Variants in KIAA2012 observed in about 807,000 individuals in gnomAD.
KIAA2012 encodes KIAA2012.
Under a neutral mutation model 150.6 loss-of-function variants are expected in KIAA2012, and 125 were observed. The ratio of observed to expected loss-of-function variants is 0.83; its 90% confidence interval spans 0.72 to 0.96. KIAA2012 has a LOEUF of 0.96. KIAA2012 is among the 40% of genes least tolerant of loss of function. KIAA2012 has a pLI of 0.00. For synonymous variants in KIAA2012, 462 were observed against 504.7 expected (o/e 0.92, Z 1.13); for missense variants, 1,219 against 1,354.9 (o/e 0.90, Z 1.57).
At chr2:202,183,263 T>C (rs897395773) in intron 15 of KIAA2012, among the ~76,000 whole-genome samples, 2 of 151,412 alleles carry the variant, frequency 1.3e-5, no homozygotes, top group African/African-American at 4.9e-5. Flanking sequence ...ATACGAAAAA[T>C]AGAAAAAATT....
chr2:202,180,703 T>C (rs1692100909), intron 15 of KIAA2012, among the ~76,000 whole-genome samples: 1 of 152,134 alleles, frequency 6.6e-6, no homozygotes, highest in Admixed American at 6.6e-5. Context: ...TGCATGCGTG[T>C]AACCCCTGCT....
chr2:202,102,893 G>C, intron 7 of KIAA2012, 53 bp from the exon 8 acceptor site: 1 of 1,471,932 alleles, frequency 6.8e-7, no homozygotes, highest in Non-Finnish European at 9.2e-7. Context: ...GCCCCTGCAG[G>C]CAGCAGGGTT....
chr2:202,173,261 A>G (rs1343082536), intron 15 of KIAA2012, among the ~76,000 whole-genome samples: 1 of 152,166 alleles, frequency 6.6e-6, no homozygotes, highest in African/African-American at 2.4e-5. Context: ...ACTAGAGATA[A>G]GGACAACATA....
intron 9 of KIAA2012, among the ~76,000 whole-genome samples, chr2:202,107,835 C>A (rs1167416106): frequency 1.3e-5 from 2 of 152,018 alleles, no homozygotes; most frequent in Admixed American, 6.6e-5. Context: ...GTGGTGAAAC[C>A]CCATCTCAAC....
At chr2:202,076,744 T>A (rs576511484) in intron 2 of KIAA2012, among the ~76,000 whole-genome samples, 2 of 152,300 alleles carry the variant, frequency 1.3e-5, no homozygotes, top group African/African-American at 2.4e-5. Flanking sequence ...AGGGCCTGCA[T>A]ACTTTGCACT....
At chr2:202,145,913 G>A (rs967427493) in intron 13 of KIAA2012, among the ~76,000 whole-genome samples, 2 of 151,968 alleles carry the variant, frequency 1.3e-5, no homozygotes, top group Non-Finnish European at 2.9e-5. Flanking sequence ...TTGAACTCCT[G>A]ACCTCAGGTG....
chr2:202,075,392 C>T (rs1352219856), intron 2 of KIAA2012, among the ~76,000 whole-genome samples: 1 of 152,206 alleles, frequency 6.6e-6, no homozygotes, highest in Non-Finnish European at 1.5e-5. Flanking sequence ...TGAAAGGGAT[C>T]TGAAAACCAT....
intron 14 of KIAA2012, among the ~76,000 whole-genome samples, chr2:202,158,914 T>C (rs1691593236): frequency 6.6e-6 from 1 of 152,174 alleles, no homozygotes; most frequent in Non-Finnish European, 1.5e-5. Context: ...AGGATGTGTA[T>C]GTTATGCCCA....
chr2:202,082,742 G>T (rs76335274), intron 2 of KIAA2012, among the ~76,000 whole-genome samples: 4,902 of 152,026 alleles, frequency 0.032, 267 homozygotes, highest in African/African-American at 0.11. Flanking sequence ...GTAAACTCTA[G>T]GGGAAAACTT....
rs185253887 is a variant in KIAA2012 at position 202,094,809 on chromosome 2, G to A, written c.685+1624G>A. On this transcript the variant is annotated intron_variant, in intron 4 of 23. Transcript: ENST00000498697. Reference sequence around the variant, plus strand: ...GCTGTGATTACAGGCATGAGTCACCGCTCTCGGCCTCAGGGCTTTCATTTT... The same window carrying A: ...GCTGTGATTACAGGCATGAGTCACCACTCTCGGCCTCAGGGCTTTCATTTT... Among the ~76,000 whole-genome samples the A allele has an allele frequency of 7.2e-5, 11 of 152,282 alleles. No homozygotes were observed. The East Asian group carries it at 9.6e-4, about 13-fold the overall frequency.
At chr2:202,157,677 C>A (rs767424470) in intron 14 of KIAA2012, among the ~76,000 whole-genome samples, 55 of 152,206 alleles carry the variant, frequency 3.6e-4, no homozygotes, top group Admixed American at 1.0e-3. Context: ...GGCTAAGTAA[C>A]TTACCGAATG....
At chr2:202,100,520 A>G in intron 7 of KIAA2012, 71 bp downstream of exon 7, 1 of 1,455,796 alleles carries the variant, frequency 6.9e-7, no homozygotes, top group Non-Finnish European at 9.2e-7. Flanking sequence ...TTTAATCCTA[A>G]TCTAGAAATA....
chr2:202,102,811 C>A, intron 7 of KIAA2012, 135 bp from the exon 8 acceptor site: 4 of 813,822 alleles, frequency 4.9e-6, no homozygotes, highest in Non-Finnish European at 7.5e-6. Flanking sequence ...CAGATACCGG[C>A]TCCCAGCTGG....
At chr2:202,135,412 T>C (rs558006267) in intron 12 of KIAA2012, among the ~76,000 whole-genome samples, 17 of 152,352 alleles carry the variant, frequency 1.1e-4, no homozygotes, top group African/African-American at 4.1e-4. Flanking sequence ...AATCAGTTTC[T>C]TTGACTTGAT....
At position 202,075,245 on chromosome 2, in the gene KIAA2012, G is replaced by A. The variant is rs1689301677; in HGVS notation, c.369+70G>A. 3 of 1,455,202 alleles carry A rather than the reference G, an allele frequency of 2.1e-6. No homozygotes were observed. The African/African-American group carries it at 4.3e-5, about 21-fold the overall frequency. The allele number at this position is 1,455,202 out of a possible 1,614,324, so 90.1% of individuals were successfully genotyped here. ...TGTCTAGAAACCCAGTTGCAGCTTT[G>A]GGAATAATTTCTTGGACCCGGGGAA... On this transcript the variant is annotated intron_variant, in intron 2 of 23. Coordinates refer to ENST00000498697, the MANE Select transcript of KIAA2012 (RefSeq NM_001277372.4).
chr2:202,159,978 T>G (rs1691614461), intron 14 of KIAA2012, among the ~76,000 whole-genome samples: 2 of 152,248 alleles, frequency 1.3e-5, no homozygotes, highest in Admixed American at 6.5e-5. Context: ...GAACATTCAC[T>G]GATCCCTGCT....
At chr2:202,160,732 G>C (rs963593417) in intron 14 of KIAA2012, among the ~76,000 whole-genome samples, 1 of 152,148 alleles carries the variant, frequency 6.6e-6, no homozygotes, top group African/African-American at 2.4e-5. Context: ...CATTTAGAAA[G>C]TATTGAAATT....
intron 15 of KIAA2012, among the ~76,000 whole-genome samples, chr2:202,166,612 A>T (rs1041544847): frequency 6.6e-6 from 1 of 151,892 alleles, no homozygotes; most frequent in East Asian, 1.9e-4. Context: ...TGCTATGATC[A>T]TGCCACTGCA....
chr2:202,094,473 T>C (rs1198542173), intron 4 of KIAA2012, among the ~76,000 whole-genome samples: 1 of 152,082 alleles, frequency 6.6e-6, no homozygotes, highest in African/African-American at 2.4e-5. Flanking sequence ...CTTGAGTCTT[T>C]TTTTTCTTTT....
Sources: allele counts gnomAD v4.1 joint callset (sites outside exome capture counted in the v4.1 genomes callset), GRCh38; gene constraint gnomAD v4.1.1; transcripts MANE v1.5; gene names NCBI Gene and HGNC (gene_info 2026-07-23, HGNC 2026-07-21).